The following TBC1D9B variants were observed in gnomAD, a reference collection of about 807,000 sequenced individuals.
TBC1D9B encodes TBC1 domain family member 9B, also known as TBC1 domain family, member 9B (with GRAM domain).
A neutral mutation model predicts 121.1 loss-of-function variants in TBC1D9B; 87 were observed. That is an observed-to-expected ratio of 0.72 (90% CI 0.60 to 0.86). TBC1D9B has a LOEUF of 0.86. Among genes scored for constraint, TBC1D9B ranks in the 40% least tolerant of loss-of-function variants. TBC1D9B has a pLI of 0.00. For synonymous variants in TBC1D9B, 668 were observed against 670.1 expected (o/e 1.00, Z 0.05); for missense variants, 1,540 against 1,628.6 (o/e 0.95, Z 0.94).
Position 179,863,609 on chromosome 5 carries a change from T to G in TBC1D9B, c.3541A>C (p.Ile1181Leu). ...GAGGCCAGGATCTGCTCAAAGGAGA[T>G]GCACCAGTCGGTGTCGACGGTGCCG... ...IGGTVDTDWC[I>L]SFEQILASIL... is the part of the protein sequence containing the mutation. Residue 1181 changes from isoleucine to leucine, a missense_variant, in exon 21 of 21, where the codon ATC (isoleucine) becomes CTC (leucine). By Grantham distance (5) the Ile-to-Leu change is conservative. Coordinates refer to ENST00000355235, the MANE Select transcript of TBC1D9B (RefSeq NM_015043.4). The surrounding 1 kb of genome is among the most constrained non-coding windows in gnomAD (Gnocchi z 4.5). The G allele has an allele frequency of 1.2e-6, 2 of 1,614,040 alleles. No homozygotes were observed. Among genetic ancestry groups the G allele is most frequent in the South Asian group, 1.1e-5 (1 of 91,090 alleles).
Position 179,862,902 on chromosome 5 carries a change from G to A in TBC1D9B, c.*546C>T, listed in dbSNP as rs147430845. ...GTGTACAGCCACGCCTGTGCGCAGC[G>A]CCCACTCTGTGCAATAAACATGTTC... On this transcript the variant is annotated 3_prime_UTR_variant, in exon 21 of 21. Transcript: ENST00000355235. 49 of 292,716 alleles carry A rather than the reference G, an allele frequency of 1.7e-4. No individual in the cohort carries two copies. In the East Asian group the frequency reaches 2.3e-3, roughly 14 times the overall value. 18.1% of individuals were successfully genotyped at this position (292,716 alleles called of 1,614,324 possible).
At chr5:179,906,601 C>T (rs960989072) in intron 1 of TBC1D9B, among the ~76,000 whole-genome samples, 2 of 152,162 alleles carry the variant, frequency 1.3e-5, no homozygotes, top group African/African-American at 2.4e-5. Context: ...CAGGGGCTGC[C>T]GACTGAACAG....
chr5:179,868,611 C>T (rs1003195052), intron 17 of TBC1D9B: 1 of 152,248 alleles, frequency 6.6e-6, no homozygotes, highest in African/African-American at 2.4e-5. Context: ...CTCCTATGGG[C>T]GCACAGGAAC....
At position 179,878,448 on chromosome 5, in the gene TBC1D9B, A is replaced by T; in HGVS notation, c.1643T>A (p.Leu548Gln). ...GTCTCGCTCGATCTCCTCTGTGGCC[A>T]GGCTGTACTTCCCGGTGGACTTCTC... is the stretch of plus-strand genomic sequence containing the variant. ...LVEKSTGKYS[L>Q]ATEEIERDLH... is the part of the protein sequence containing the mutation. Residue 548 changes from leucine to glutamine, a missense_variant, in exon 10 of 21, where the codon CTG becomes CAG. Physicochemically the swap from Leu to Gln is moderately radical, Grantham distance 113. Coordinates refer to ENST00000355235, the MANE Select transcript of TBC1D9B (RefSeq NM_015043.4). 6.2e-7 allele frequency: 1 copy of T among 1,613,060 alleles called. No individual in the cohort carries two copies. The highest frequency in any genetic ancestry group is 8.5e-7 in the Non-Finnish European group (1 of 1,179,622).
At position 179,885,026 on chromosome 5, in the gene TBC1D9B, C is replaced by G. The variant is rs530319091; in HGVS notation, c.1254+3077G>C. Among the ~76,000 whole-genome samples, 4 of 152,246 alleles carry G rather than the reference C, an allele frequency of 2.6e-5. No homozygotes were observed. The South Asian group carries it at 6.2e-4, about 24-fold the overall frequency. On this transcript the variant is annotated intron_variant, in intron 7 of 20. Transcript: ENST00000355235. This position sits in a 1 kb window ranked among gnomAD's most constrained non-coding sequence, Gnocchi z 4.5. ...CTCCTGAATCTGACCCCTTCTTACA[C>G]CTACACTGTTCCTACCCTTGATGCT...
At chr5:179,884,700 G>A (rs779366216) in intron 7 of TBC1D9B, among the ~76,000 whole-genome samples, 3 of 152,132 alleles carry the variant, frequency 2.0e-5, no homozygotes, top group South Asian at 2.1e-4. Flanking sequence ...TCTTGAGCAC[G>A]CTACAACAGG....
intron 1 of TBC1D9B, among the ~76,000 whole-genome samples, chr5:179,905,270 G>A (rs1372781515): frequency 6.6e-6 from 1 of 152,218 alleles, no homozygotes; most frequent in African/African-American, 2.4e-5. Context: ...TGCGTCTCCT[G>A]AAATACGTCT....
rs1373593879 is a variant in TBC1D9B, at chr5:179,865,062, G to A, written c.3021+192C>T. ...AATCTGGAAACATGCCCCTATACAA[G>A]GCCCTGGAGCAACTGGCCTCTTGTC... On this transcript the variant is annotated intron_variant, in intron 20 of 20. Coordinates refer to ENST00000355235, the MANE Select transcript of TBC1D9B (RefSeq NM_015043.4). This position sits in a 1 kb window ranked among gnomAD's most constrained non-coding sequence, Gnocchi z 5.1. Among the ~76,000 whole-genome samples the A allele has an allele frequency of 2.0e-5, 3 of 152,216 alleles. No individual in the cohort carries two copies. The highest frequency in any genetic ancestry group is 4.4e-5 in the Non-Finnish European group (3 of 68,044).
rs1334293972 is a variant in TBC1D9B at position 179,891,513 on chromosome 5, C to T, written c.910G>A (p.Gly304Ser). 3.7e-6 allele frequency: 6 copies of T among 1,613,950 alleles called. No homozygotes were observed. The highest frequency in any genetic ancestry group is 4.2e-6 in the Non-Finnish European group (5 of 1,180,036). ...GTCCACAGGGTGCAGCTTGTGTGGC[C>T]GTCTAGCCGCTCATCCCTGGGCAGC... is the stretch of plus-strand genomic sequence containing the variant. ...FRLPRDERLD[G>S]HTSCTLWTPF... Residue 304 changes from glycine to serine, a missense_variant, in exon 6 of 21, where the codon GGC (glycine) becomes AGC (serine). Transcript: ENST00000355235. This position sits in a 1 kb window ranked among gnomAD's most constrained non-coding sequence, Gnocchi z 4.3.
rs761377231 is a variant in TBC1D9B at position 179,878,339 on chromosome 5, G to A, written c.1752C>T (p.Ala584=). Residue 584 remains alanine, a synonymous_variant, in exon 10 of 21, where the codon GCC becomes GCT. Coordinates refer to ENST00000355235, the MANE Select transcript of TBC1D9B (RefSeq NM_015043.4). ...AALRRVLTAY[A]FRNPTIGYCQ... ...AGTAGCCGATGGTGGGGTTTCGGAA[G>A]GCATAGGCAGTCAGCACCCGCCGGA... The A allele has an allele frequency of 1.2e-6, 2 of 1,613,590 alleles. No individual in the cohort carries two copies. The highest frequency in any genetic ancestry group is 2.7e-5 in the African/African-American group (2 of 74,920).
chr5:179,882,480 T>C (rs1417693452), intron 7 of TBC1D9B, among the ~76,000 whole-genome samples: 3 of 152,234 alleles, frequency 2.0e-5, no homozygotes, highest in South Asian at 2.1e-4. Flanking sequence ...CTCCTCTGCA[T>C]GTTCTTTACA....
At position 179,893,325 on chromosome 5, in the gene TBC1D9B, G is replaced by A. The variant is rs199544805; in HGVS notation, c.720C>T (p.Leu240=). The A allele has an allele frequency of 1.0e-4, 164 of 1,614,190 alleles. 1 individual carries two copies. The highest frequency in any genetic ancestry group is 1.4e-4 in the Non-Finnish European group (160 of 1,180,038). Residue 240 remains leucine, a synonymous_variant, in exon 5 of 21, where the codon CTC becomes CTT. Coordinates refer to ENST00000355235, the MANE Select transcript of TBC1D9B (RefSeq NM_015043.4). ...MFLNIGETFK[L]MEQLANLAMR... ...TGGCCAGGTTGGCCAACTGCTCCAT[G>A]AGCTTGAAGGTCTCGCCGATGTTGA...
chr5:179,864,839 T>C (rs1472555194), intron 20 of TBC1D9B, among the ~76,000 whole-genome samples: 1 of 152,236 alleles, frequency 6.6e-6, no homozygotes, highest in African/African-American at 2.4e-5. Flanking sequence ...GGTCTCCCAT[T>C]TTCTGGCTTT....
chr5:179,893,191 C>A lies in TBC1D9B; in HGVS notation c.836+18G>T. The A allele has an allele frequency of 1.3e-6, 2 of 1,589,946 alleles. No homozygotes were observed. Among genetic ancestry groups the A allele is most frequent in the Non-Finnish European group, 8.6e-7 (1 of 1,167,478 alleles). On this transcript the variant is annotated intron_variant, in intron 5 of 20. Transcript: ENST00000355235. Reference sequence around the variant, plus strand: ...CCTGGCTCACATGAGCCCACCCCAGCCCTGGAGGGCAACGCACCGCTTCAG... The same window carrying A: ...CCTGGCTCACATGAGCCCACCCCAGACCTGGAGGGCAACGCACCGCTTCAG...
chr5:179,876,062 G>C, intron 10 of TBC1D9B, 25 bp from the exon 11 acceptor site: 1 of 1,604,898 alleles, frequency 6.2e-7, no homozygotes, highest in Non-Finnish European at 8.5e-7. Context: ...GACAGCCGGG[G>C]AAGGCTTGCA....
Position 179,863,145 on chromosome 5 carries a change from TGA to T in TBC1D9B, c.*301_*302del, listed in dbSNP as rs973607772. 4.4e-5 allele frequency: 18 copies of T among 411,506 alleles called. No homozygotes were observed. Among genetic ancestry groups the T allele is most frequent in the African/African-American group, 3.6e-4 (18 of 50,032 alleles). 25.5% of individuals were successfully genotyped at this position (411,506 alleles called of 1,614,324 possible). Reference sequence around the variant, plus strand: ...GGTATGAGGCAAGCAAGGGCAGATCTGAGAGCCTGTAATGCTAGGCAGGTGCA... The same window carrying T: ...GGTATGAGGCAAGCAAGGGCAGATCTGAGCCTGTAATGCTAGGCAGGTGCA... On this transcript the variant is annotated 3_prime_UTR_variant, in exon 21 of 21. Coordinates refer to ENST00000355235, the MANE Select transcript of TBC1D9B (RefSeq NM_015043.4). The surrounding 1 kb of genome is among the most constrained non-coding windows in gnomAD (Gnocchi z 4.5).
At chr5:179,870,745 C>A in intron 15 of TBC1D9B, 1 of 538,456 alleles carries the variant, frequency 1.9e-6, no homozygotes, top group Non-Finnish European at 3.2e-6. Context: ...AGCTGGTCTG[C>A]TGGCCCCAGA....
At position 179,891,699 on chromosome 5, in the gene TBC1D9B, C is replaced by T; in HGVS notation, c.837-113G>A. ...CTGTTTCCACATCAGATTCAGGATCCCTGGGGTGGTCCCTTGAGCAAGTCA... is the reference window on the plus strand; with the variant it reads ...CTGTTTCCACATCAGATTCAGGATCTCTGGGGTGGTCCCTTGAGCAAGTCA... On this transcript the variant is annotated intron_variant, in intron 5 of 20. Transcript: ENST00000355235. The surrounding 1 kb of genome is among the most constrained non-coding windows in gnomAD (Gnocchi z 4.3). The T allele has an allele frequency of 8.2e-7, 1 of 1,214,704 alleles. No homozygotes were observed. The highest frequency in any genetic ancestry group is 1.4e-5 in the South Asian group (1 of 71,780). 75.2% of individuals were successfully genotyped at this position (1,214,704 alleles called of 1,614,324 possible).
chr5:179,876,234 G>A (rs1165763459), intron 10 of TBC1D9B, among the ~76,000 whole-genome samples, 197 bp from the exon 11 acceptor site: 1 of 152,198 alleles, frequency 6.6e-6, no homozygotes, highest in Non-Finnish European at 1.5e-5. Flanking sequence ...TGCCTCTTCA[G>A]GAGGGCTGGG....
Sources: gnomAD v4.1 joint callset for allele counts (sites outside exome capture counted in the v4.1 genomes callset) on GRCh38, gnomAD v4.1.1 for gene constraint, Gnocchi (gnomAD v3.1) non-coding constraint, MANE v1.5 for transcripts, NCBI Gene and HGNC (gene_info 2026-07-23, HGNC 2026-07-21) for gene names.